Variants in PKHD1L1 observed in about 807,000 individuals in gnomAD.
The protein encoded by PKHD1L1 is fibrocystin-L.
A neutral mutation model predicts 462.9 loss-of-function variants in PKHD1L1; 434 were observed. That is an observed-to-expected ratio of 0.94 (90% CI 0.87 to 1.02). PKHD1L1 has a LOEUF of 1.02. Ranked by LOEUF, PKHD1L1 falls within the 50% of genes least tolerant of loss-of-function variation. The pLI is 0.00. For synonymous variants in PKHD1L1, 1,781 were observed against 1,750.0 expected, an observed-to-expected ratio of 1.02 and a Z score of -0.44; for missense variants, 5,202 against 5,096.1, an observed-to-expected ratio of 1.02 and a Z score of -0.63.
At chr8:109,476,378 C>A in intron 51 of PKHD1L1, 130 bp from the exon 52 acceptor site, 1 of 604,450 alleles carries the variant, frequency 1.7e-6, no homozygotes. Context: ...AAATTCAAGA[C>A]AAAAAACAAA....
chr8:109,390,720 T>C (rs1812673338), intron 9 of PKHD1L1, among the ~76,000 whole-genome samples: 2 of 152,130 alleles, frequency 1.3e-5, no homozygotes, highest in Admixed American at 1.3e-4. Flanking sequence ...AACATAAAAA[T>C]CTTTACTTGT....
At chr8:109,416,042 C>A (rs1198359581) in intron 21 of PKHD1L1, among the ~76,000 whole-genome samples, 4 of 151,968 alleles carry the variant, frequency 2.6e-5, no homozygotes, top group Non-Finnish European at 5.9e-5. Context: ...AAAGTGAGGG[C>A]AACTGTAGAC....
At chr8:109,471,259 A>AG (rs2130855191) in intron 50 of PKHD1L1, 1 of 499,526 alleles carries the variant, frequency 2.0e-6, no homozygotes, top group African/African-American at 2.0e-5. Flanking sequence ...TTTAAAATCC[A>AG]GACTTTCTTT....
rs1006793357 is a variant in PKHD1L1, at chr8:109,431,978, C to T, written c.3230-1128C>T. Among the ~76,000 whole-genome samples the T allele has an allele frequency of 2.0e-4, 31 of 152,200 alleles. 1 individual carries two copies. Among genetic ancestry groups the T allele is most frequent in the Admixed American group, 1.4e-3 (21 of 15,264 alleles). ...CATCCTTGCCAATATTGGAAGTGAT[C>T]GGCTTCCTAATTTTAACTATTCCGA... On this transcript the variant is annotated intron_variant, in intron 27 of 77. Transcript: ENST00000378402.
chr8:109,443,878 T>C lies in PKHD1L1; in HGVS notation c.4767T>C (p.Phe1589=). The C allele has an allele frequency of 1.2e-6, 2 of 1,612,704 alleles. No individual in the cohort carries two copies. Among genetic ancestry groups the C allele is most frequent in the Admixed American group, 1.7e-5 (1 of 60,008 alleles). The change falls in exon 37 of 78, where the codon TTT becomes TTC. Residue 1589 remains phenylalanine (F), a synonymous_variant. Transcript: ENST00000378402. The stretch of plus-strand genomic sequence containing the variant: ...TAATAACAATTATTGGACATGGCTT[T>C]AGTAATCTCCCATGGGCTAATAAGG... ...NELITIIGHG[F]SNLPWANKVT...
Position 109,471,648 on chromosome 8 carries a change from G to A in PKHD1L1, c.8606-3470G>A, listed in dbSNP as rs781332874. On this transcript the variant is annotated intron_variant, in intron 50 of 77. Coordinates refer to ENST00000378402, the MANE Select transcript of PKHD1L1 (RefSeq NM_177531.6). ...AAGAGTATGTGGCAAAACATATACCGCCCATAGTGCTTCACAAAATGCGCT... is the reference window on the plus strand; with the variant it reads ...AAGAGTATGTGGCAAAACATATACCACCCATAGTGCTTCACAAAATGCGCT... 3.1e-4 allele frequency among the ~76,000 whole-genome samples: 47 copies of A among 152,152 alleles called. 1 individual carries two copies. The highest frequency in any genetic ancestry group is 6.2e-4 in the Non-Finnish European group (42 of 67,996).
chr8:109,485,091 G>A lies in PKHD1L1; in HGVS notation c.9624G>A (p.Gln3208=), dbSNP rs747194280. The A allele has an allele frequency of 1.2e-5, 20 of 1,604,580 alleles. No individual in the cohort carries two copies. The highest frequency in any genetic ancestry group is 1.5e-5 in the Non-Finnish European group (18 of 1,174,986). The change falls in exon 58 of 78, where the codon CAG becomes CAA. Residue 3208 remains glutamine (Q), a synonymous_variant. Transcript: ENST00000378402. ...CAACCACAAGCTACGATTTCCACCAGACAGAAACAAGAAGTATCGTTAAAA... is the reference window on the plus strand; with the variant it reads ...CAACCACAAGCTACGATTTCCACCAAACAGAAACAAGAAGTATCGTTAAAA... ...VITTTSYDFH[Q]TETRSIVKIL...
intron 23 of PKHD1L1, among the ~76,000 whole-genome samples, chr8:109,421,872 T>A (rs1027328933): frequency 2.6e-5 from 4 of 152,206 alleles, no homozygotes; most frequent in Admixed American, 2.6e-4. Context: ...GATTCCTCAA[T>A]AAACTAATTG....
chr8:109,381,440 T>G lies in PKHD1L1; in HGVS notation c.234T>G (p.Ile78Met), dbSNP rs1812108676. The change falls in exon 3 of 78, where the codon ATT becomes ATG. Residue 78 changes from isoleucine to methionine, a missense_variant. This residue lies in a region of PKHD1L1 where 4,497 missense variants were observed against 4,336.8 expected (regional missense o/e 1.04). Coordinates refer to ENST00000378402, the MANE Select transcript of PKHD1L1 (RefSeq NM_177531.6). The part of the protein sequence containing the change: ...NAELGNSVQL[I>M]SSFQSITCDV... ...AGTTGGGAAACAGTGTGCAATTAATTTCTTCTTTCCAGTCAATTACTTGTG... is the reference window on the plus strand; with the variant it reads ...AGTTGGGAAACAGTGTGCAATTAATGTCTTCTTTCCAGTCAATTACTTGTG... 6.3e-7 allele frequency: 1 copy of G among 1,583,754 alleles called. No individual in the cohort carries two copies. Among genetic ancestry groups the G allele is most frequent in the Non-Finnish European group, 8.6e-7 (1 of 1,163,030 alleles).
intron 50 of PKHD1L1, among the ~76,000 whole-genome samples, chr8:109,469,103 A>T (rs1817590891): frequency 6.6e-6 from 1 of 152,152 alleles, no homozygotes; most frequent in African/African-American, 2.4e-5. Context: ...GTGCTAATTA[A>T]ACCTACCTTT....
At chr8:109,454,967 C>G in intron 45 of PKHD1L1, 115 bp downstream of exon 45, 1 of 1,300,688 alleles carries the variant, frequency 7.7e-7, no homozygotes, top group Non-Finnish European at 1.0e-6. Flanking sequence ...GTGTGTTAGG[C>G]TTCTCATGTC....
In PKHD1L1 at chr8:109,452,546, A is replaced by G. The variant is rs115118185; in HGVS notation, c.6508-172A>G. Among the ~76,000 whole-genome samples the G allele has an allele frequency of 8.1e-3, 1,232 of 151,174 alleles. 20 individuals carry two copies. Among genetic ancestry groups the G allele is most frequent in the African/African-American group, 0.028 (1,138 of 41,364 alleles). ...TTGTGAAATAAACCAAGAGGCAATTATGACACATTTTAAGTAGGTTAGATT... is the reference window on the plus strand; with the variant it reads ...TTGTGAAATAAACCAAGAGGCAATTGTGACACATTTTAAGTAGGTTAGATT... On this transcript the variant is annotated intron_variant, in intron 42 of 77. Coordinates refer to ENST00000378402, the MANE Select transcript of PKHD1L1 (RefSeq NM_177531.6).
intron 2 of PKHD1L1, 67 bp downstream of exon 2, chr8:109,364,703 G>A: frequency 1.1e-6 from 1 of 924,934 alleles, no homozygotes; most frequent in Non-Finnish European, 1.5e-6. Context: ...TTCATATTTA[G>A]AGCTTTATGG....
intron 2 of PKHD1L1, among the ~76,000 whole-genome samples, chr8:109,378,722 C>T (rs1228309720): frequency 6.6e-6 from 1 of 152,154 alleles, no homozygotes; most frequent in Non-Finnish European, 1.5e-5. Flanking sequence ...CAGTTGCTAA[C>T]TTTGTAGGCA....
rs1358179940 is a variant in PKHD1L1 at position 109,461,895 on chromosome 8, T to C, written c.7370T>C (p.Ile2457Thr). 4 of 1,600,000 alleles carry C rather than the reference T, an allele frequency of 2.5e-6. No individual in the cohort carries two copies. Among genetic ancestry groups the C allele is most frequent in the Non-Finnish European group, 2.6e-6 (3 of 1,172,586 alleles). Residue 2457 changes from isoleucine (I) to threonine (T), a missense_variant, in exon 48 of 78, where the codon ATA (isoleucine) becomes ACA (threonine). Physicochemically the swap from Ile to Thr is moderately conservative, Grantham distance 89 (BLOSUM62 -1). Coordinates refer to ENST00000378402, the MANE Select transcript of PKHD1L1 (RefSeq NM_177531.6). ...VPGANMVTGR[I>T]EYVEVFHAGQ... ...GGTGCTAACATGGTAACTGGGAGAA[T>C]AGAATATGTAGAGGTGAGAGGCATT...
At chr8:109,392,708 A>C (rs1240667970) in intron 9 of PKHD1L1, among the ~76,000 whole-genome samples, 1 of 152,212 alleles carries the variant, frequency 6.6e-6, no homozygotes, top group Non-Finnish European at 1.5e-5. Context: ...TGAATCTTAC[A>C]TTCAAAAAAT....
Position 109,370,898 on chromosome 8 carries a change from C to G in PKHD1L1, c.163+6262C>G, listed in dbSNP as rs555063788. Among the ~76,000 whole-genome samples, 30 of 152,226 alleles carry G rather than the reference C, an allele frequency of 2.0e-4. 1 individual carries two copies. The highest frequency in any genetic ancestry group is 3.4e-4 in the African/African-American group (14 of 41,536). On this transcript the variant is annotated intron_variant, in intron 2 of 77. Coordinates refer to ENST00000378402, the MANE Select transcript of PKHD1L1 (RefSeq NM_177531.6). ...GTATATGTGCCACATTTTCTTAATC[C>G]AGTCTATCATTGTTGGACATTTGGG...
chr8:109,384,830 A>G (rs1812349228), intron 5 of PKHD1L1, among the ~76,000 whole-genome samples: 1 of 151,878 alleles, frequency 6.6e-6, no homozygotes, highest in African/African-American at 2.4e-5. Context: ...CCTATTGACC[A>G]TTTGTATTCC....
At chr8:109,438,686 A>G (rs1815585447) in intron 31 of PKHD1L1, among the ~76,000 whole-genome samples, 1 of 151,934 alleles carries the variant, frequency 6.6e-6, no homozygotes, top group African/African-American at 2.4e-5. Context: ...GGACTTTGTC[A>G]TCTTTTTTCC....
Sources: gnomAD v4.1 joint callset for allele counts (sites outside exome capture counted in the v4.1 genomes callset) on GRCh38, gnomAD v4.1.1 for gene constraint, gnomAD v4.1.1 regional missense constraint, MANE v1.5 for transcripts, NCBI Gene and HGNC (gene_info 2026-07-23, HGNC 2026-07-21) for gene names.